Variants in MTCL2 observed in about 807,000 individuals in gnomAD.
MTCL2 encodes the protein microtubule cross-linking factor 2.
the MTCL2 span, chr20:36,802,957 G>T: frequency 3.8e-6 from 6 of 1,581,758 alleles, no homozygotes; most frequent in Non-Finnish European, 5.2e-6. Context: ...CTCCAGTTGC[G>T]CTCACTGATC....
the MTCL2 span, among the ~76,000 whole-genome samples, chr20:36,804,202 G>A: frequency 1.3e-5 from 2 of 152,166 alleles, no homozygotes; most frequent in African/African-American, 2.4e-5. Flanking sequence ...GAAGAAGCTG[G>A]AGCCCAAGCT....
the MTCL2 span, among the ~76,000 whole-genome samples, chr20:36,851,679 C>G: frequency 6.6e-6 from 1 of 152,184 alleles, no homozygotes. Flanking sequence ...TCCCTTGTTT[C>G]TTTCTTGGCA....
the MTCL2 span, among the ~76,000 whole-genome samples, chr20:36,810,702 C>T: frequency 6.7e-6 from 1 of 149,170 alleles, no homozygotes; most frequent in Non-Finnish European, 1.5e-5. Context: ...CCACCCTCCC[C>T]TCCTTCTCTC....
At chr20:36,785,323 T>A in the MTCL2 span, 1 of 985,430 alleles carries the variant, frequency 1.0e-6, no homozygotes, top group Non-Finnish European at 1.2e-6. Flanking sequence ...CAAGAATGCA[T>A]GTTTCAACCT....
At chr20:36,847,919 CAA>C in the MTCL2 span, among the ~76,000 whole-genome samples, 1 of 150,562 alleles carries the variant, frequency 6.6e-6, no homozygotes, top group Admixed American at 6.6e-5. Context: ...CAGCCAGCTG[CAA>C]AGAGTTAGGA....
At chr20:36,804,842 G>A in the MTCL2 span, 1 of 1,614,010 alleles carries the variant, frequency 6.2e-7, no homozygotes. Context: ...TCCCGGAGCA[G>A]CCAGCACAGC....
At chr20:36,798,503 C>T in the MTCL2 span, among the ~76,000 whole-genome samples, 2 of 152,326 alleles carry the variant, frequency 1.3e-5, no homozygotes, top group Admixed American at 6.5e-5. Context: ...TGTAGCACTT[C>T]CCATTGTTGG....
chr20:36,784,317 G>A, the MTCL2 span: 16 of 986,034 alleles, frequency 1.6e-5, no homozygotes, highest in Non-Finnish European at 1.8e-5. Context: ...CTGGGGCATG[G>A]AGGAGGCGGC....
chr20:36,802,834 G>A, the MTCL2 span: 41 of 1,574,090 alleles, frequency 2.6e-5, no homozygotes, highest in Non-Finnish European at 3.5e-5. Context: ...GGTGGAAGCG[G>A]CTTGGCAGGG....
At chr20:36,845,122 G>GTT in the MTCL2 span, among the ~76,000 whole-genome samples, 1 of 152,152 alleles carries the variant, frequency 6.6e-6, no homozygotes, top group Non-Finnish European at 1.5e-5. Flanking sequence ...TCCTGGACCA[G>GTT]TAACATCAGC....
the MTCL2 span, chr20:36,802,882 T>TCACCTGCTGCTC: frequency 1.9e-6 from 3 of 1,577,198 alleles, no homozygotes; most frequent in South Asian, 3.5e-5. Flanking sequence ...TGCAGCTCCT[T>TCACCTGCTGCTC]CACCTGCTGC....
At chr20:36,829,763 C>A in the MTCL2 span, among the ~76,000 whole-genome samples, 1 of 151,378 alleles carries the variant, frequency 6.6e-6, no homozygotes, top group Non-Finnish European at 1.5e-5. Context: ...TTTGGGAGGT[C>A]GAGACAGGTG....
At chr20:36,840,691 A>AAAAAATTAGCTGGGCCTAAAAATAC in the MTCL2 span, among the ~76,000 whole-genome samples, 1 of 151,798 alleles carries the variant, frequency 6.6e-6, no homozygotes, top group African/African-American at 2.4e-5. Flanking sequence ...TTAAAAATAC[A>AAAAAATTAGCTGGGCCTAAAAATAC]AAAAATTAGC....
chr20:36,780,737 G>A, the MTCL2 span: 7 of 152,198 alleles, frequency 4.6e-5, no homozygotes, highest in Non-Finnish European at 8.8e-5. Flanking sequence ...GGGAAACTGA[G>A]GTATAGACTA....
chr20:36,797,424 T>C, the MTCL2 span: 1 of 1,466,506 alleles, frequency 6.8e-7, no homozygotes, highest in African/African-American at 1.4e-5. Flanking sequence ...AGCAACTTCC[T>C]CTCATGTCCC....
At chr20:36,813,313 T>TAAAAAAAAAA in the MTCL2 span, among the ~76,000 whole-genome samples, 84 of 41,894 alleles carry the variant, frequency 2.0e-3, 17 homozygotes, top group African/African-American at 0.011. Flanking sequence ...ACTGTTTCTT[T>TAAAAAAAAAA]AAAAAAAAAA....
At chr20:36,816,920 C>G in the MTCL2 span, among the ~76,000 whole-genome samples, 32 of 152,208 alleles carry the variant, frequency 2.1e-4, no homozygotes, top group African/African-American at 7.2e-4. Flanking sequence ...CATCTAAGAA[C>G]CATGGGCTCA....
chr20:36,782,810 CAGGCGTGAGCCACCATG>C, the MTCL2 span: 1 of 152,566 alleles, frequency 6.6e-6, no homozygotes, highest in South Asian at 2.1e-4. Flanking sequence ...GCTGGGATTT[CAGGCGTGAGCCACCATG>C]CCCGGCCAGG....
At chr20:36,858,252 C>G in the MTCL2 span, among the ~76,000 whole-genome samples, 1 of 151,396 alleles carries the variant, frequency 6.6e-6, no homozygotes, top group Non-Finnish European at 1.5e-5. Context: ...CCAGGCCCTT[C>G]TGAGCTGACA....
Sources: gnomAD v4.1 joint callset for allele counts (sites outside exome capture counted in the v4.1 genomes callset) on GRCh38, gnomAD v4.1.1 for gene constraint, MANE v1.5 for transcripts, NCBI Gene and HGNC (gene_info 2026-07-23, HGNC 2026-07-21) for gene names.